The following PPP6R1 variants were observed in gnomAD, a reference collection of about 807,000 sequenced individuals.
PPP6R1 encodes protein phosphatase 6 regulatory subunit 1.
A neutral mutation model predicts 104.6 loss-of-function variants in PPP6R1; 39 were observed. That is an observed-to-expected ratio of 0.37 (90% CI 0.29 to 0.49). The LOEUF is 0.49. Ranked by LOEUF, PPP6R1 falls within the 20% of genes least tolerant of loss-of-function variation. The pLI, the probability that PPP6R1 is intolerant of heterozygous loss-of-function variation, is 0.98. For missense variants in PPP6R1, 1,181 were observed against 1,155.8 expected (o/e 1.02, Z -0.32); for synonymous variants, 549 against 479.0 (o/e 1.15, Z -1.91).
At chr19:55,248,292 C>A (rs1406630595) in intron 1 of PPP6R1, among the ~76,000 whole-genome samples, 1 of 152,214 alleles carries the variant, frequency 6.6e-6, no homozygotes, top group Non-Finnish European at 1.5e-5. Context: ...CCACACAGGA[C>A]AAGGGGCAAC....
At chr19:55,228,776 G>A, downstream of PPP6R1, 1 of 1,609,498 alleles carries the variant, frequency 6.2e-7, no homozygotes, top group Non-Finnish European at 8.5e-7. Context: ...CCTAATCTGG[G>A]AGCGAGTGGC....
At chr19:55,229,028 T>C (rs1366158438), downstream of PPP6R1, 1 of 389,580 alleles carries the variant, frequency 2.6e-6, no homozygotes, top group African/African-American at 2.0e-5. Flanking sequence ...CCCCTTGTCC[T>C]GGGCCCCAAC....
intron 2 of PPP6R1, among the ~76,000 whole-genome samples, 198 bp downstream of exon 2, chr19:55,246,679 T>C (rs533959196): frequency 6.6e-6 from 1 of 152,324 alleles, no homozygotes; most frequent in African/African-American, 2.4e-5. Flanking sequence ...GCCACTGCCC[T>C]CCAGAGCACA....
chr19:55,246,264 C>A (rs1247036690), intron 2 of PPP6R1, among the ~76,000 whole-genome samples: 1 of 152,126 alleles, frequency 6.6e-6, no homozygotes, highest in African/African-American at 2.4e-5. Context: ...AACCCTGTCT[C>A]TACCAAAAAT....
At chr19:55,228,358 T>G, downstream of PPP6R1, 1 of 1,613,886 alleles carries the variant, frequency 6.2e-7, no homozygotes, top group Non-Finnish European at 8.5e-7. Context: ...CCAGGACAGC[T>G]GGTCCTCGGG....
chr19:55,230,329 CA>C lies in PPP6R1; in HGVS notation c.*198del. The C allele has an allele frequency of 7.3e-6, 5 of 682,194 alleles. No homozygotes were observed. The South Asian group carries it at 9.5e-5, about 13-fold the overall frequency. 42.3% of individuals were successfully genotyped at this position (682,194 alleles called of 1,614,324 possible). On this transcript the variant is annotated 3_prime_UTR_variant, in exon 24 of 24. Transcript: ENST00000412770. The stretch of plus-strand genomic sequence containing the variant: ...ATCTTTATTCTAGGAGGCAACGCTC[CA>C]AAACTTCTCTTCTCAGTGCAAATGG...
In PPP6R1 at chr19:55,241,034, C is replaced by T. The variant is rs994530557; in HGVS notation, c.1207G>A (p.Val403Ile). ...AGCATGGTGCTCACGCATCCCTCTA[C>T]TTGGGCATGCAAGAAGTTGTTGAAG... ...YVFNNFLHAQ[V>I]EGCVSTMLSL... is the part of the protein sequence containing the mutation. The change falls in exon 10 of 24, where the codon GTA (valine) becomes ATA (isoleucine). Residue 403 changes from valine to isoleucine, a missense_variant. Val to Ile is a conservative substitution (Grantham distance 29). Transcript: ENST00000412770. The surrounding 1 kb of genome is among the most constrained non-coding windows in gnomAD (Gnocchi z 5.4). 2.2e-5 allele frequency: 34 copies of T among 1,565,526 alleles called. No homozygotes were observed. Among genetic ancestry groups the T allele is most frequent in the South Asian group, 1.9e-4 (16 of 84,892 alleles).
chr19:55,230,745 C>T (rs545758462), intron 22 of PPP6R1, 29 bp downstream of exon 22: 1 of 1,432,114 alleles, frequency 7.0e-7, no homozygotes, highest in African/African-American at 1.4e-5. Context: ...CCCACCCCCA[C>T]CCCCCCGCCC....
intron 1 of PPP6R1, among the ~76,000 whole-genome samples, chr19:55,252,179 T>C (rs948701241): frequency 7.2e-5 from 11 of 152,244 alleles, no homozygotes; most frequent in African/African-American, 2.7e-4. Context: ...ATTGTGGTGA[T>C]GTTTCCACAA....
At chr19:55,237,838 C>G (rs535603419) in intron 15 of PPP6R1, among the ~76,000 whole-genome samples, 6 of 152,352 alleles carry the variant, frequency 3.9e-5, no homozygotes, top group African/African-American at 1.2e-4. Context: ...GCTACAGGAG[C>G]TATGCGGGGC....
At chr19:55,250,148 G>A (rs1252180456) in intron 1 of PPP6R1, among the ~76,000 whole-genome samples, 3 of 152,278 alleles carry the variant, frequency 2.0e-5, no homozygotes, top group Middle Eastern at 3.4e-3. Flanking sequence ...CAATGATGTC[G>A]ATGGTATCAG....
rs748320739 is a variant in PPP6R1 at position 55,231,490 on chromosome 19, G to T, written c.2379C>A (p.Ala793=). ...TEGSKVTEPS[A]PCQALVSIGD... ...CGATGCTAACCAAGGCCTGGCAAGG[G>T]GCTGTGGGGGATAAGAGATCTCAGC... Residue 793 remains alanine, a splice_region_variant and synonymous_variant, in exon 21 of 24, where the codon GCC becomes GCA. Coordinates refer to ENST00000412770, the MANE Select transcript of PPP6R1 (RefSeq NM_014931.4). The T allele has an allele frequency of 1.2e-6, 2 of 1,606,550 alleles. No homozygotes were observed. Among genetic ancestry groups the T allele is most frequent in the South Asian group, 2.2e-5 (2 of 89,380 alleles).
Position 55,236,679 on chromosome 19 carries a change from G to T in PPP6R1, c.1952C>A (p.Ala651Asp), listed in dbSNP as rs749080022. 1.7e-5 allele frequency: 28 copies of T among 1,601,082 alleles called. No individual in the cohort carries two copies. Among genetic ancestry groups the T allele is most frequent in the Non-Finnish European group, 1.4e-5 (16 of 1,174,002 alleles). ...TGGCTGGCCCAGACGGGCCCCCCTG[G>T]CCAGCTGGCTGCCCTGCCAGGCGCC... ...EDGAWQGSQL[A>D]RGARLGQPPG... The change falls in exon 17 of 24, where the codon GCC becomes GAC. Residue 651 changes from alanine to aspartate, a missense_variant. Around this residue, in one of 2 missense-constraint regions of PPP6R1, gnomAD observed 1,042 missense variants for 955.6 expected, o/e 1.09. Transcript: ENST00000412770.
At position 55,258,969 on chromosome 19, in the gene PPP6R1, G is replaced by T. The variant is rs978808449; in HGVS notation, c.-541C>A. ...CGCTCAATCTCCGGGCTCTGCGGCCGGCCTCAGGGCCTCCGACGCCCGGCT... is the reference window on the plus strand; with the variant it reads ...CGCTCAATCTCCGGGCTCTGCGGCCTGCCTCAGGGCCTCCGACGCCCGGCT... On this transcript the variant is annotated 5_prime_UTR_variant, in exon 1 of 24. Transcript: ENST00000412770. The T allele has an allele frequency of 2.6e-5, 4 of 152,178 alleles. No homozygotes were observed. Among genetic ancestry groups the T allele is most frequent in the Admixed American group, 2.0e-4 (3 of 15,282 alleles). The allele number at this position is 152,178 out of a possible 1,614,324, so 9.4% of individuals were successfully genotyped here.
rs377413782 is a variant in PPP6R1 at position 55,239,648 on chromosome 19, A to G, written c.1599T>C (p.Asp533=). 33 of 1,612,228 alleles carry G rather than the reference A, an allele frequency of 2.0e-5. No individual in the cohort carries two copies. The highest frequency in any genetic ancestry group is 5.5e-5 in the South Asian group (5 of 90,696). Residue 533 remains aspartate (D), a synonymous_variant, in exon 14 of 24, where the codon GAT becomes GAC. Transcript: ENST00000412770. Reference sequence around the variant, plus strand: ...TGAACTCCTTGAGCCGGTCGTCCTCATCGTCACTGGAGGAGTGTAGGTGGT... The same window carrying G: ...TGAACTCCTTGAGCCGGTCGTCCTCGTCGTCACTGGAGGAGTGTAGGTGGT... ...NTHHLHSSSD[D]EDDRLKEFNF...
chr19:55,253,878 C>T (rs1001244720), intron 1 of PPP6R1, among the ~76,000 whole-genome samples: 1 of 152,152 alleles, frequency 6.6e-6, no homozygotes, highest in Admixed American at 6.5e-5. Flanking sequence ...CGCTTGATTT[C>T]TCTGAGTCTC....
downstream of PPP6R1, chr19:55,228,428 C>T (rs1392621483): frequency 1.2e-6 from 2 of 1,612,110 alleles, no homozygotes; most frequent in Non-Finnish European, 8.5e-7. Context: ...CACCTGCAGA[C>T]ATCTGGGCGC....
chr19:55,244,373 C>T (rs1465838812), intron 5 of PPP6R1, among the ~76,000 whole-genome samples: 1 of 152,222 alleles, frequency 6.6e-6, no homozygotes, highest in East Asian at 1.9e-4. Flanking sequence ...GCTGGAGAAA[C>T]ACATGGACAT....
At chr19:55,242,029 G>T in intron 7 of PPP6R1, 137 bp downstream of exon 7, 1 of 796,832 alleles carries the variant, frequency 1.3e-6, no homozygotes, top group Non-Finnish European at 2.0e-6. Flanking sequence ...TGTCCACTGT[G>T]CAGGGAGCAC....
Sources: gnomAD v4.1 joint callset for allele counts (sites outside exome capture counted in the v4.1 genomes callset) on GRCh38, gnomAD v4.1.1 for gene constraint, gnomAD v4.1.1 regional missense constraint, Gnocchi (gnomAD v3.1) non-coding constraint, MANE v1.5 for transcripts, NCBI Gene and HGNC (gene_info 2026-07-23, HGNC 2026-07-21) for gene names.